FBXW2: variants seen among roughly 807,000 people sequenced by gnomAD.
FBXW2 encodes F-box/WD repeat-containing protein 2.
In FBXW2, 12 loss-of-function variants were observed where a neutral mutation model predicts 46.0. The observed-to-expected ratio is 0.26, with a 90% CI of 0.17 to 0.42. The LOEUF is 0.42. Ranked by LOEUF, FBXW2 falls within the 10% of genes least tolerant of loss-of-function variation. The pLI is 1.00. For missense variants in FBXW2, 360 were observed against 537.0 expected (o/e 0.67, Z 3.26); for synonymous variants, 203 against 209.6 (o/e 0.97, Z 0.27).
chr9:120,784,827 G>A (rs2044685879), intron 3 of FBXW2, among the ~76,000 whole-genome samples: 2 of 150,394 alleles, frequency 1.3e-5, no homozygotes, highest in Non-Finnish European at 3.0e-5. Context: ...AAGCTGAGGC[G>A]AGAGAATCGC....
At chr9:120,771,613 G>C (rs763079624) in intron 6 of FBXW2, 96 bp from the exon 7 acceptor site, 5 of 1,114,880 alleles carry the variant, frequency 4.5e-6, no homozygotes, top group Non-Finnish European at 6.3e-6. Flanking sequence ...CAGATAGAAA[G>C]TGAAGTATAC....
At chr9:120,786,389 G>A (rs1476506003) in intron 3 of FBXW2, among the ~76,000 whole-genome samples, 2 of 152,190 alleles carry the variant, frequency 1.3e-5, no homozygotes, top group African/African-American at 4.8e-5. Context: ...TGTGAACAAG[G>A]TGCTTGCTTC....
rs2044202461 is a variant in FBXW2, at chr9:120,761,978, A to T, written c.*2581T>A. The T allele has an allele frequency of 2.6e-5, 4 of 152,248 alleles. No homozygotes were observed. In the South Asian group the frequency reaches 8.3e-4, roughly 31 times the overall value. The allele number at this position is 152,248 out of a possible 1,614,324, so 9.4% of individuals were successfully genotyped here. On this transcript the variant is annotated 3_prime_UTR_variant, in exon 8 of 8. Coordinates refer to ENST00000608872, the MANE Select transcript of FBXW2 (RefSeq NM_012164.4). ...CTTGCCCTTTGAAGCTATTGGATAG[A>T]TCTGAAAGTGAGGTAGGGTGGGGAT... is the stretch of plus-strand genomic sequence containing the variant.
chr9:120,790,804 T>G (rs1446266589), intron 2 of FBXW2, among the ~76,000 whole-genome samples: 1 of 152,198 alleles, frequency 6.6e-6, no homozygotes, highest in Non-Finnish European at 1.5e-5. Flanking sequence ...TGTGCACATG[T>G]ACCCTAGAAC....
rs540865560 is a variant in FBXW2, at chr9:120,761,840, T to G, written c.*2719A>C. The G allele has an allele frequency of 6.6e-6, 1 of 152,190 alleles. No individual in the cohort carries two copies. Among genetic ancestry groups the G allele is most frequent in the African/African-American group, 2.4e-5 (1 of 41,550 alleles). The allele number at this position is 152,190 out of a possible 1,614,324, so 9.4% of individuals were successfully genotyped here. A position where few individuals can be genotyped will look rare whatever the true frequency, so the allele number is the denominator to read the frequency against. Reference sequence around the variant, plus strand: ...AAAAAAAAATTCCAGCGGCACCAAGTACCACCTTGATGACTTCTGTATTCA... The same window carrying G: ...AAAAAAAAATTCCAGCGGCACCAAGGACCACCTTGATGACTTCTGTATTCA... On this transcript the variant is annotated 3_prime_UTR_variant, in exon 8 of 8. Transcript: ENST00000608872.
intron 7 of FBXW2, among the ~76,000 whole-genome samples, chr9:120,770,255 A>C (rs540065584): frequency 2.6e-5 from 4 of 152,226 alleles, no homozygotes; most frequent in Admixed American, 2.0e-4. Context: ...GGGCGCCTGT[A>C]GTCCCAGCTA....
chr9:120,783,782 A>G (rs1223811179), intron 3 of FBXW2, among the ~76,000 whole-genome samples: 3 of 152,260 alleles, frequency 2.0e-5, no homozygotes, highest in Non-Finnish European at 4.4e-5. Context: ...AGCACAAAGC[A>G]TAATAGATTC....
intron 7 of FBXW2, among the ~76,000 whole-genome samples, chr9:120,767,298 G>A (rs1181647431): frequency 6.6e-6 from 1 of 152,162 alleles, no homozygotes; most frequent in Non-Finnish European, 1.5e-5. Flanking sequence ...TGCTTGAAAA[G>A]CAGAGAGTAA....
chr9:120,772,880 G>A, intron 5 of FBXW2, 40 bp from the exon 6 acceptor site: 8 of 1,301,742 alleles, frequency 6.1e-6, no homozygotes, highest in Non-Finnish European at 7.7e-6. Flanking sequence ...TCCTTTTAAT[G>A]CTGCTCCTAT....
chr9:120,764,280 A>G lies in FBXW2; in HGVS notation c.*279T>C. On this transcript the variant is annotated 3_prime_UTR_variant, in exon 8 of 8. Coordinates refer to ENST00000608872, the MANE Select transcript of FBXW2 (RefSeq NM_012164.4). ...TTAAAACCAATACTCCACTCAAGAA[A>G]GATGAACCCAAAATGCATCCTCTAA... is the stretch of plus-strand genomic sequence containing the variant. The G allele has an allele frequency of 2.4e-6, 1 of 420,542 alleles. No homozygotes were observed. Among genetic ancestry groups the G allele is most frequent in the Non-Finnish European group, 4.2e-6 (1 of 238,008 alleles). 26.1% of individuals were successfully genotyped at this position (420,542 alleles called of 1,614,324 possible). A position where few individuals can be genotyped will look rare whatever the true frequency, so the allele number is the denominator to read the frequency against.
chr9:120,786,358 A>ACT (rs2044723377), intron 3 of FBXW2, among the ~76,000 whole-genome samples: 2 of 151,116 alleles, frequency 1.3e-5, no homozygotes, highest in African/African-American at 4.9e-5. Flanking sequence ...CTTCACTCAC[A>ACT]CTCTCTCTCT....
In FBXW2 at chr9:120,771,519, T is replaced by C; in HGVS notation, c.907-2A>G. The C allele has an allele frequency of 6.2e-7, 1 of 1,606,012 alleles. No individual in the cohort carries two copies. Among genetic ancestry groups the C allele is most frequent in the Non-Finnish European group, 8.5e-7 (1 of 1,177,310 alleles). Reference sequence around the variant, plus strand: ...GATTTCTCTCCCAATTGGCCAAATCTACAGAAAAAAGAAAATGAGGAAAGA... The same window carrying C: ...GATTTCTCTCCCAATTGGCCAAATCCACAGAAAAAAGAAAATGAGGAAAGA... On this transcript the variant is annotated splice_acceptor_variant, in intron 6 of 7. Coordinates refer to ENST00000608872, the MANE Select transcript of FBXW2 (RefSeq NM_012164.4). LOFTEE classifies it high-confidence loss of function.
intron 3 of FBXW2, among the ~76,000 whole-genome samples, chr9:120,786,975 T>C (rs2044736190): frequency 6.6e-6 from 1 of 152,220 alleles, no homozygotes; most frequent in African/African-American, 2.4e-5. Context: ...TTCTACTTCT[T>C]CTACTTAGAA....
At position 120,764,732 on chromosome 9, in the gene FBXW2, T is replaced by C; in HGVS notation, c.1192A>G (p.Ile398Val). ...TACTCTGGCAGAGGCCAGCGACTAA[T>C]CAGGCTCTCTGTCCGCAAGTCCATG... ...YIMDLRTESL[I>V]SRWPLPEYRK... The change falls in exon 8 of 8, where the codon ATT becomes GTT. Residue 398 changes from isoleucine to valine, a missense_variant. By Grantham distance (29) the Ile-to-Val change is conservative (BLOSUM62 3). Transcript: ENST00000608872. The C allele has an allele frequency of 6.2e-7, 1 of 1,614,200 alleles. No individual in the cohort carries two copies. The highest frequency in any genetic ancestry group is 2.2e-5 in the East Asian group (1 of 44,876).
At chr9:120,774,773 C>T (rs766187148) in intron 5 of FBXW2, among the ~76,000 whole-genome samples, 1 of 152,188 alleles carries the variant, frequency 6.6e-6, no homozygotes, top group Non-Finnish European at 1.5e-5. Flanking sequence ...GCTCAGAACT[C>T]GTGGATTGCT....
At chr9:120,783,460 A>T (rs144970401) in intron 3 of FBXW2, among the ~76,000 whole-genome samples, 194 of 152,270 alleles carry the variant, frequency 1.3e-3, no homozygotes, top group African/African-American at 3.9e-3. Context: ...TCTTAATAAT[A>T]CTTTAAAAAA....
chr9:120,780,757 G>A (rs1001446962), intron 3 of FBXW2, among the ~76,000 whole-genome samples: 5 of 152,252 alleles, frequency 3.3e-5, no homozygotes, highest in African/African-American at 1.2e-4. Flanking sequence ...TGTCAGGCAG[G>A]ATTCTTGTTC....
intron 3 of FBXW2, among the ~76,000 whole-genome samples, chr9:120,779,193 T>G (rs776077525): frequency 6.6e-6 from 1 of 152,238 alleles, no homozygotes; most frequent in Non-Finnish European, 1.5e-5. Flanking sequence ...AAGGGAAAAG[T>G]TGGCTTTATT....
At chr9:120,772,715 T>C (rs2044405545) in intron 6 of FBXW2, 39 bp downstream of exon 6, 1 of 1,379,678 alleles carries the variant, frequency 7.2e-7, no homozygotes. Context: ...TTTTCCAGTT[T>C]TTCTTTAATG....
Sources: allele counts gnomAD v4.1 joint callset (sites outside exome capture counted in the v4.1 genomes callset), GRCh38; gene constraint gnomAD v4.1.1; transcripts MANE v1.5; gene names NCBI Gene and HGNC (gene_info 2026-07-23, HGNC 2026-07-21).